The following INSRR variants were observed in gnomAD, a reference collection of about 807,000 sequenced individuals.
The protein encoded by INSRR is insulin receptor-related protein.
INSRR carries 114 observed loss-of-function variants against 130.0 expected under a neutral mutation model. The ratio of observed to expected loss-of-function variants is 0.88; its 90% confidence interval spans 0.75 to 1.02. The LOEUF (loss-of-function observed/expected upper bound fraction) is 1.02. INSRR is among the 50% of genes least tolerant of loss of function. INSRR has a pLI of 0.00. For synonymous variants in INSRR, 674 were observed against 705.2 expected (o/e 0.96, Z 0.70); for missense variants, 1,657 against 1,735.2 (o/e 0.95, Z 0.80).
At chr1:156,853,185 C>T (rs936468758) in intron 2 of INSRR, among the ~76,000 whole-genome samples, 10 of 152,136 alleles carry the variant, frequency 6.6e-5, no homozygotes, top group Non-Finnish European at 1.3e-4. Context: ...TTCTCCTGCT[C>T]ACCCCCAACC....
At chr1:156,845,883 G>C in intron 9 of INSRR, 69 bp from the exon 10 acceptor site, 1 of 1,597,376 alleles carries the variant, frequency 6.3e-7, no homozygotes, top group Non-Finnish European at 8.5e-7. Context: ...CCCACCTGCC[G>C]GGGCCCTGCG....
chr1:156,845,655 A>G lies in INSRR; in HGVS notation c.2138T>C (p.Phe713Ser), dbSNP rs747407993. ...GATCGCGTTGTGTAGAAAGTTTTCA[A>G]ACTTCTTCTGGAACGAGGCCTCTTG... ...EAQEASFQKK[F>S]ENFLHNAITI... is the part of the protein sequence containing the mutation. The change falls in exon 10 of 22, where the codon TTT becomes TCT. Residue 713 changes from phenylalanine to serine, a missense_variant. Coordinates refer to ENST00000368195, the MANE Select transcript of INSRR (RefSeq NM_014215.3). 1.4e-5 allele frequency: 23 copies of G among 1,610,836 alleles called. No homozygotes were observed. The highest frequency in any genetic ancestry group is 1.1e-5 in the South Asian group (1 of 90,872).
At chr1:156,843,826 T>G (rs896452805) in intron 15 of INSRR, among the ~76,000 whole-genome samples, 7 of 152,242 alleles carry the variant, frequency 4.6e-5, no homozygotes, top group Admixed American at 2.6e-4. Flanking sequence ...GCCTCCTGCT[T>G]CTTCTCCTAA....
Position 156,841,104 on chromosome 1 carries a change from C to A in INSRR, c.3663G>T (p.Leu1221=). Residue 1221 remains leucine, a splice_region_variant and synonymous_variant, in exon 22 of 22, where the codon CTG becomes CTT. Transcript: ENST00000368195. The part of the protein sequence containing the change: ...LEELEGCPLQ[L]QELMSRCWQP... ...GCCAGCAGCGGCTCATCAGCTCCTGCCTGGTGGGTGTGGGGAGCAGGGTCA... is the reference window on the plus strand; with the variant it reads ...GCCAGCAGCGGCTCATCAGCTCCTGACTGGTGGGTGTGGGGAGCAGGGTCA... 6.4e-7 allele frequency: 1 copy of A among 1,556,570 alleles called. No homozygotes were observed. The highest frequency in any genetic ancestry group is 8.7e-7 in the Non-Finnish European group (1 of 1,149,522).
chr1:156,850,530 C>CTTTTTTT (rs1558089282), intron 5 of INSRR, among the ~76,000 whole-genome samples: 1 of 107,150 alleles, frequency 9.3e-6, no homozygotes, highest in African/African-American at 3.9e-5. Flanking sequence ...TAATTTAAAA[C>CTTTTTTT]ATTCTTTTTT....
intron 13 of INSRR, 38 bp downstream of exon 13, chr1:156,844,669 C>A (rs773678381): frequency 6.8e-6 from 11 of 1,613,804 alleles, no homozygotes; most frequent in Middle Eastern, 1.6e-4. Context: ...GATGTAGGCA[C>A]AAAACGGGGC....
rs779842284 is a variant in INSRR, at chr1:156,840,980, G to A, written c.3787C>T (p.Pro1263Ser). The change falls in exon 22 of 22, where the codon CCG (proline) becomes TCG (serine). Residue 1263 changes from proline (P) to serine (S), a missense_variant. Pro to Ser is a moderately conservative substitution (Grantham distance 74). Transcript: ENST00000368195. ...SFRLLSFYYS[P>S]ECRGARGSLP... The stretch of plus-strand genomic sequence containing the variant: ...GAGCCCCGGGCCCCCCGGCATTCCG[G>A]GCTGTAGTAGAAGGAGAGGAGGCGG... 1.3e-5 allele frequency: 21 copies of A among 1,613,492 alleles called. No homozygotes were observed. Among genetic ancestry groups the A allele is most frequent in the Non-Finnish European group, 1.7e-5 (20 of 1,179,832 alleles).
intron 1 of INSRR, among the ~76,000 whole-genome samples, chr1:156,857,936 A>C (rs1359917136): frequency 6.6e-6 from 1 of 152,084 alleles, no homozygotes; most frequent in Non-Finnish European, 1.5e-5. Context: ...CTCCTCTCTA[A>C]AACGTACTGA....
chr1:156,845,753 C>T lies in INSRR; in HGVS notation c.2040G>A (p.Glu680=), dbSNP rs1654977028. ...PRFDGEDGDP[E]AEMESDCCPC... ...GGCAGCAGTCGGACTCCATCTCGGC[C>T]TCAGGATCCCCGTCTTCGCCGTCGA... Residue 680 remains glutamate (E), a synonymous_variant, in exon 10 of 22, where the codon GAG becomes GAA. Coordinates refer to ENST00000368195, the MANE Select transcript of INSRR (RefSeq NM_014215.3). The T allele has an allele frequency of 1.2e-6, 2 of 1,613,436 alleles. No individual in the cohort carries two copies. The highest frequency in any genetic ancestry group is 2.7e-5 in the African/African-American group (2 of 74,910).
In INSRR at chr1:156,858,570, G is replaced by A; in HGVS notation, c.52C>T (p.Leu18Phe). The change falls in exon 1 of 22, where the codon CTC becomes TTC. Residue 18 changes from leucine (L) to phenylalanine (F), a missense_variant. By Grantham distance (22) the Leu-to-Phe change is conservative. Coordinates refer to ENST00000368195, the MANE Select transcript of INSRR (RefSeq NM_014215.3). ...GTATCCAGGCCAAATCCCAAGGAGA[G>A]GAAGATCACAGGCAGGCATGCTCCC... ...PWGACLPVIF[L>F]SLGFGLDTVE... 6.2e-7 allele frequency: 1 copy of A among 1,614,074 alleles called. No homozygotes were observed. Among genetic ancestry groups the A allele is most frequent in the Non-Finnish European group, 8.5e-7 (1 of 1,180,002 alleles).
In INSRR at chr1:156,843,210, C is replaced by T; in HGVS notation, c.2920G>A (p.Val974Met). ...SDMYVPDEWEVPREQISIIRE... is the reference protein window; with the variant it reads ...SDMYVPDEWEMPREQISIIRE... ...ATTATCGAGATCTGCTCCCGAGGCACCTCCCATTCATCAGGGACATACACT... is the reference window on the plus strand; with the variant it reads ...ATTATCGAGATCTGCTCCCGAGGCATCTCCCATTCATCAGGGACATACACT... The change falls in exon 17 of 22, where the codon GTG becomes ATG. Residue 974 changes from valine to methionine, a missense_variant. Coordinates refer to ENST00000368195, the MANE Select transcript of INSRR (RefSeq NM_014215.3). 6.2e-7 allele frequency: 1 copy of T among 1,614,112 alleles called. No homozygotes were observed. Among genetic ancestry groups the T allele is most frequent in the Non-Finnish European group, 8.5e-7 (1 of 1,180,036 alleles).
chr1:156,850,044 A>G (rs1655147088), intron 5 of INSRR, among the ~76,000 whole-genome samples: 1 of 151,980 alleles, frequency 6.6e-6, no homozygotes, highest in African/African-American at 2.4e-5. Flanking sequence ...CTGAGACTAC[A>G]GGCATGCACC....
chr1:156,858,425 C>T lies in INSRR; in HGVS notation c.85+112G>A, dbSNP rs376750918. Reference sequence around the variant, plus strand: ...TTCTCCTGAGCGCTAACCCCAACCCCCATGTTCCAGTGCAGAGTAAGTGGA... The same window carrying T: ...TTCTCCTGAGCGCTAACCCCAACCCTCATGTTCCAGTGCAGAGTAAGTGGA... On this transcript the variant is annotated intron_variant, in intron 1 of 21. Transcript: ENST00000368195. 1.5e-5 allele frequency: 12 copies of T among 805,822 alleles called. No individual in the cohort carries two copies. In the African/African-American group the frequency reaches 1.7e-4, roughly 11 times the overall value. 49.9% of individuals were successfully genotyped at this position (805,822 alleles called of 1,614,324 possible). A position where few individuals can be genotyped will look rare whatever the true frequency, so the allele number is the denominator to read the frequency against.
intron 5 of INSRR, 53 bp downstream of exon 5, chr1:156,851,237 G>A (rs779919944): frequency 8.1e-6 from 13 of 1,604,622 alleles, no homozygotes; most frequent in Middle Eastern, 1.7e-4. Context: ...TGTTCTGGGA[G>A]TGTTGGAGGA....
At chr1:156,845,441 G>T (rs1654960634) in intron 10 of INSRR, 28 bp from the exon 11 acceptor site, 1 of 1,531,136 alleles carries the variant, frequency 6.5e-7, no homozygotes. Flanking sequence ...AGCCCTATCA[G>T]GCCTGTCCGG....
intron 2 of INSRR, among the ~76,000 whole-genome samples, chr1:156,853,545 G>A (rs1571672276): frequency 1.3e-5 from 2 of 152,042 alleles, no homozygotes; most frequent in East Asian, 1.9e-4. Context: ...CCATGATGCC[G>A]CCTTGGGCCT....
chr1:156,842,487 A>T lies in INSRR; in HGVS notation c.3148T>A (p.Ser1050Thr). Residue 1050 changes from serine to threonine, a missense_variant, in exon 18 of 22, where the codon TCT becomes ACT. Coordinates refer to ENST00000368195, the MANE Select transcript of INSRR (RefSeq NM_014215.3). ...ATGACCAGAGTTGGCTGGCCCTGAG[A>T]TACCACACCCAGGAGACGCACCTGG... ...HHVVRLLGVVSQGQPTLVIME... is the reference protein window; with the variant it reads ...HHVVRLLGVVTQGQPTLVIME... The T allele has an allele frequency of 6.2e-7, 1 of 1,614,026 alleles. No individual in the cohort carries two copies. Among genetic ancestry groups the T allele is most frequent in the Non-Finnish European group, 8.5e-7 (1 of 1,179,960 alleles).
rs1654931029 is a variant in INSRR, at chr1:156,844,787, C to T, written c.2494G>A (p.Val832Ile). 7 of 1,614,174 alleles carry T rather than the reference C, an allele frequency of 4.3e-6. No individual in the cohort carries two copies. Among genetic ancestry groups the T allele is most frequent in the Non-Finnish European group, 5.1e-6 (6 of 1,180,046 alleles). ...GGTGGCTCGAGCCAGCGCAGAAGGACACTGTTCTTGCTGGAGGCCTCCCAG... is the reference window on the plus strand; with the variant it reads ...GGTGGCTCGAGCCAGCGCAGAAGGATACTGTTCTTGCTGGAGGCCTCCCAG... ...VAWEASSKNSVLLRWLEPPDP... is the reference protein window; with the variant it reads ...VAWEASSKNSILLRWLEPPDP... Residue 832 changes from valine (V) to isoleucine (I), a missense_variant, in exon 13 of 22, where the codon GTC becomes ATC. Coordinates refer to ENST00000368195, the MANE Select transcript of INSRR (RefSeq NM_014215.3).
intron 16 of INSRR, 63 bp downstream of exon 16, chr1:156,843,364 C>T: frequency 6.3e-7 from 1 of 1,587,650 alleles, no homozygotes; most frequent in Non-Finnish European, 8.7e-7. Flanking sequence ...TTCTGGAAGT[C>T]TGTCTCTGCT....
Sources: gnomAD v4.1 joint callset for allele counts (sites outside exome capture counted in the v4.1 genomes callset) on GRCh38, gnomAD v4.1.1 for gene constraint, MANE v1.5 for transcripts, NCBI Gene and HGNC (gene_info 2026-07-23, HGNC 2026-07-21) for gene names.